Variants in PLPPR1 observed in about 807,000 individuals in gnomAD.
The protein encoded by PLPPR1 is phospholipid phosphatase related 1.
Under a neutral mutation model 33.1 loss-of-function variants are expected in PLPPR1, and 10 were observed. The ratio of observed to expected loss-of-function variants is 0.30; its 90% confidence interval spans 0.19 to 0.51. The LOEUF is 0.51. PLPPR1 is among the 20% of genes least tolerant of loss of function. The probability of loss-of-function intolerance (pLI) is 0.97; values close to 1 mark genes in which losing one functional copy is unlikely to be tolerated. For synonymous variants in PLPPR1, 151 were observed against 151.0 expected (o/e 1.00, Z 0.00); for missense variants, 304 against 408.1 (o/e 0.74, Z 2.20).
intron 1 of PLPPR1, among the ~76,000 whole-genome samples, chr9:101,126,404 C>CT (rs113944583): frequency 0.012 from 1,807 of 152,206 alleles, 32 homozygotes; most frequent in African/African-American, 0.042. Flanking sequence ...CCATAGGGAC[C>CT]TTTTTTGGTG....
intron 1 of PLPPR1, among the ~76,000 whole-genome samples, chr9:101,046,999 G>T (rs1234148453): frequency 6.6e-6 from 1 of 151,934 alleles, no homozygotes; most frequent in Non-Finnish European, 1.5e-5. Flanking sequence ...GTTGGTTTTG[G>T]GATGAAACTG....
chr9:101,305,937 GA>G, intron 4 of PLPPR1, among the ~76,000 whole-genome samples: 1 of 152,222 alleles, frequency 6.6e-6, no homozygotes, highest in Non-Finnish European at 1.5e-5. Flanking sequence ...AAAACCCTGA[GA>G]AAAAAGTGAG....
At chr9:101,078,982 T>C (rs984583978) in intron 1 of PLPPR1, among the ~76,000 whole-genome samples, 1 of 152,244 alleles carries the variant, frequency 6.6e-6, no homozygotes, top group Non-Finnish European at 1.5e-5. Context: ...GTATGTTTTA[T>C]TTAAAAATAG....
chr9:101,189,531 G>A (rs1018157123), intron 2 of PLPPR1, among the ~76,000 whole-genome samples: 1 of 152,104 alleles, frequency 6.6e-6, no homozygotes, highest in East Asian at 1.9e-4. Flanking sequence ...ATGAGTTGGG[G>A]GGTTAAATCC....
intron 4 of PLPPR1, among the ~76,000 whole-genome samples, chr9:101,308,686 T>G (rs1828899160): frequency 6.6e-6 from 1 of 150,978 alleles, no homozygotes; most frequent in African/African-American, 2.5e-5. Context: ...CCTCCTTTAC[T>G]CTCACCTGCC....
At chr9:101,159,422 G>A (rs1292209944) in intron 1 of PLPPR1, among the ~76,000 whole-genome samples, 2 of 152,068 alleles carry the variant, frequency 1.3e-5, no homozygotes, top group African/African-American at 2.4e-5. Flanking sequence ...ATAATGATAT[G>A]AATAACACTA....
At chr9:101,250,625 A>C (rs1231238649) in intron 2 of PLPPR1, among the ~76,000 whole-genome samples, 1 of 152,020 alleles carries the variant, frequency 6.6e-6, no homozygotes, top group Non-Finnish European at 1.5e-5. Flanking sequence ...CCTCCTTAAA[A>C]TTAATCCACT....
intron 2 of PLPPR1, among the ~76,000 whole-genome samples, chr9:101,194,053 C>T (rs370348606): frequency 1.3e-5 from 2 of 152,280 alleles, no homozygotes; most frequent in South Asian, 2.1e-4. Flanking sequence ...AGGTAAATCT[C>T]AACTATCTGG....
At chr9:101,064,613 G>T (rs929690413) in intron 1 of PLPPR1, among the ~76,000 whole-genome samples, 3 of 152,036 alleles carry the variant, frequency 2.0e-5, no homozygotes, top group African/African-American at 4.8e-5. Context: ...AAGCCCTCCT[G>T]GTCCAAGCGG....
At chr9:101,224,537 A>G (rs1008878258) in intron 2 of PLPPR1, among the ~76,000 whole-genome samples, 6 of 152,298 alleles carry the variant, frequency 3.9e-5, no homozygotes, top group East Asian at 3.9e-4. Flanking sequence ...AAAACACACT[A>G]TGAGCTCTGA....
chr9:101,030,075 T>C (rs573207093), intron 1 of PLPPR1, among the ~76,000 whole-genome samples: 126 of 152,202 alleles, frequency 8.3e-4, no homozygotes, highest in African/African-American at 3.0e-3. Flanking sequence ...CGGTTCTGAA[T>C]ATCTCTTCGG....
intron 1 of PLPPR1, among the ~76,000 whole-genome samples, chr9:101,078,188 GAGGGGGGGA>G (rs1412089441): frequency 2.2e-4 from 5 of 22,916 alleles, no homozygotes; most frequent in East Asian, 5.4e-3. Context: ...AGAAGAAGAG[GAGGGGGGGA>G]GGGGGAGGGG....
chr9:101,104,571 T>G (rs1299975745), intron 1 of PLPPR1, among the ~76,000 whole-genome samples: 1 of 134,360 alleles, frequency 7.4e-6, no homozygotes, highest in African/African-American at 3.0e-5. Flanking sequence ...TGAGGATTTT[T>G]GCATCAATGT....
chr9:101,319,191 CG>C (rs1564038063), intron 7 of PLPPR1, among the ~76,000 whole-genome samples: 4 of 151,994 alleles, frequency 2.6e-5, no homozygotes, highest in East Asian at 1.9e-4. Context: ...TTTTTTCCCC[CG>C]CTGAGATGGA....
chr9:101,136,578 T>C (rs1305105358), intron 1 of PLPPR1, among the ~76,000 whole-genome samples: 1 of 152,216 alleles, frequency 6.6e-6, no homozygotes, highest in Non-Finnish European at 1.5e-5. Context: ...TCTCTTCCTT[T>C]CTGTTCAATT....
intron 2 of PLPPR1, among the ~76,000 whole-genome samples, chr9:101,199,072 T>G (rs956827189): frequency 3.3e-5 from 5 of 152,232 alleles, no homozygotes; most frequent in African/African-American, 1.2e-4. Context: ...ATTTTCACTA[T>G]ATACAATAGA....
At chr9:101,091,737 G>A (rs1358125430) in intron 1 of PLPPR1, among the ~76,000 whole-genome samples, 1 of 152,160 alleles carries the variant, frequency 6.6e-6, no homozygotes, top group Non-Finnish European at 1.5e-5. Context: ...ACATCTTTGG[G>A]TAGTTATTAT....
In PLPPR1 at chr9:101,211,936, G is replaced by A. The variant is rs544257494; in HGVS notation, c.63+26379G>A. ...TTACATACAAGGAAACAAATACAGA[G>A]AGGTGAATTAAATTGGCCAAGATTA... On this transcript the variant is annotated intron_variant, in intron 2 of 7. Transcript: ENST00000374874. 2.0e-5 allele frequency among the ~76,000 whole-genome samples: 3 copies of A among 152,296 alleles called. No individual in the cohort carries two copies. The South Asian group carries it at 6.2e-4, about 32-fold the overall frequency.
At chr9:101,049,105 C>A (rs1455946363) in intron 1 of PLPPR1, among the ~76,000 whole-genome samples, 3 of 152,170 alleles carry the variant, frequency 2.0e-5, no homozygotes, top group Admixed American at 6.5e-5. Flanking sequence ...CTTGTGTGTG[C>A]CCCTGTGTGT....
Sources: allele counts gnomAD v4.1 joint callset (sites outside exome capture counted in the v4.1 genomes callset), GRCh38; gene constraint gnomAD v4.1.1; transcripts MANE v1.5; gene names NCBI Gene and HGNC (gene_info 2026-07-23, HGNC 2026-07-21).